Variants in FLYWCH1 observed in about 807,000 individuals in gnomAD.
FLYWCH1 encodes FLYWCH-type zinc finger-containing protein 1.
FLYWCH1 carries 75 observed loss-of-function variants against 66.4 expected under a neutral mutation model. That is an observed-to-expected ratio of 1.13 (90% CI 0.94 to 1.37). The LOEUF (loss-of-function observed/expected upper bound fraction) is 1.37. FLYWCH1 is among the 40% of genes most tolerant of loss of function. The pLI is 0.00. For synonymous variants in FLYWCH1, 595 were observed against 429.9 expected (o/e 1.38, Z -4.75); for missense variants, 1,334 against 1,001.8 (o/e 1.33, Z -4.48).
At chr16:2,914,630 G>T (rs1485106608) in intron 2 of FLYWCH1, among the ~76,000 whole-genome samples, 1 of 152,172 alleles carries the variant, frequency 6.6e-6, no homozygotes, top group Admixed American at 6.5e-5. Context: ...CAGGCATGGT[G>T]GTTCACGTCT....
At chr16:2,931,885 G>A (rs1485753945) in intron 4 of FLYWCH1, among the ~76,000 whole-genome samples, 1 of 152,070 alleles carries the variant, frequency 6.6e-6, no homozygotes, top group African/African-American at 2.4e-5. Context: ...AGGTCGAGGT[G>A]GGCGGATCAC....
intron 9 of FLYWCH1, 95 bp downstream of exon 9, chr16:2,940,187 T>A: frequency 1.4e-6 from 1 of 702,472 alleles, no homozygotes; most frequent in Non-Finnish European, 2.6e-6. Flanking sequence ...CTTTTGTGGG[T>A]CAACATTATG....
At chr16:2,917,220 C>G (rs1274571590) in intron 2 of FLYWCH1, among the ~76,000 whole-genome samples, 2 of 121,788 alleles carry the variant, frequency 1.6e-5, no homozygotes, top group African/African-American at 6.4e-5. Flanking sequence ...ACAAAGTAAG[C>G]TTGTTAATAA....
chr16:2,935,439 G>C (rs1272874375), intron 6 of FLYWCH1: 1 of 152,240 alleles, frequency 6.6e-6, no homozygotes, highest in Non-Finnish European at 1.5e-5. Flanking sequence ...TGGGGGCAGA[G>C]GCCGGGCCCA....
rs771460324 is a variant in FLYWCH1 at position 2,937,413 on chromosome 16, T to A, written c.1777+29T>A. ...CGTGTGGAGGGTGCTGGGCTGGGTC[T>A]GCCTGGTCTCCCAGGACCTGTGCCC... is the stretch of plus-strand genomic sequence containing the variant. On this transcript the variant is annotated intron_variant, in intron 7 of 9. Coordinates refer to ENST00000253928, the MANE Select transcript of FLYWCH1 (RefSeq NM_001308068.2). The A allele has an allele frequency of 3.3e-6, 5 of 1,505,104 alleles. No individual in the cohort carries two copies. In the African/African-American group the frequency reaches 5.7e-5, roughly 17 times the overall value. 93.2% of individuals were successfully genotyped at this position (1,505,104 alleles called of 1,614,324 possible).
At chr16:2,934,040 T>G in intron 6 of FLYWCH1, 61 bp downstream of exon 6, 13 of 1,447,420 alleles carry the variant, frequency 9.0e-6, no homozygotes, top group Non-Finnish European at 1.2e-5. Context: ...CACACTGCCT[T>G]TCCCTCTCCA....
intron 9 of FLYWCH1, chr16:2,940,312 A>AC (rs2071208388): frequency 2.0e-6 from 1 of 499,770 alleles, no homozygotes; most frequent in African/African-American, 2.0e-5. Flanking sequence ...CACCATAGGG[A>AC]CCCCTCCTTG....
At chr16:2,945,945 C>T (rs181275677) in intron 9 of FLYWCH1, among the ~76,000 whole-genome samples, 18 of 151,730 alleles carry the variant, frequency 1.2e-4, no homozygotes, top group Admixed American at 2.0e-4. Context: ...TGCAGTGAGC[C>T]GAGATTGCGA....
chr16:2,922,657 T>C (rs937172545), intron 2 of FLYWCH1: 11 of 441,764 alleles, frequency 2.5e-5, no homozygotes, highest in Non-Finnish European at 4.4e-5. Context: ...CCGGACTCGG[T>C]TTACATGATC....
chr16:2,925,870 G>T (rs2070549815), intron 2 of FLYWCH1, among the ~76,000 whole-genome samples: 1 of 152,314 alleles, frequency 6.6e-6, no homozygotes, highest in East Asian at 1.9e-4. Flanking sequence ...TTCGGGAGTG[G>T]AATGTGGGGC....
At position 2,948,899 on chromosome 16, in the gene FLYWCH1, T is replaced by C. The variant is rs112332221; in HGVS notation, c.*172T>C. 5.9e-4 allele frequency: 360 copies of C among 610,542 alleles called. 2 individuals carry two copies. Among genetic ancestry groups the C allele is most frequent in the African/African-American group, 5.7e-3 (309 of 54,206 alleles). The allele number at this position is 610,542 out of a possible 1,614,324, so 37.8% of individuals were successfully genotyped here. On this transcript the variant is annotated 3_prime_UTR_variant, in exon 10 of 10. Transcript: ENST00000253928. The stretch of plus-strand genomic sequence containing the variant: ...TCTCCCAGGAGGAATTCTTGGATGG[T>C]GTCCTCATGTCGGCGGAGAACAGTG...
intron 9 of FLYWCH1, among the ~76,000 whole-genome samples, chr16:2,941,976 G>C (rs141535354): frequency 8.7e-6 from 1 of 115,288 alleles, no homozygotes; most frequent in African/African-American, 3.3e-5. Context: ...CAGCCTGGGC[G>C]ACAGAGCAAG....
At chr16:2,936,894 C>T (rs1399660397) in intron 6 of FLYWCH1, 2 of 662,438 alleles carry the variant, frequency 3.0e-6, no homozygotes, top group East Asian at 2.8e-5. Flanking sequence ...CGCTTGGCCG[C>T]CACCTGCAGG....
intron 4 of FLYWCH1, among the ~76,000 whole-genome samples, 199 bp downstream of exon 4, chr16:2,931,079 C>T (rs553462788): frequency 4.4e-4 from 67 of 150,898 alleles, no homozygotes; most frequent in African/African-American, 1.5e-3. Flanking sequence ...CCAAGGCGGA[C>T]GGATCATGAG....
rs1189363462 is a variant in FLYWCH1 at position 2,933,279 on chromosome 16, GC to G, written c.948del (p.Ile317SerfsTer7). On this transcript the variant is annotated frameshift_variant, in exon 5 of 10. Transcript: ENST00000253928. LOFTEE classifies it high-confidence loss of function. ...DHALHGCRSR[A>X]ITQGQRVTVM... ...CGCGCTGCACGGCTGCCGGAGCCGG[GC>G]CATCACCCAGGGACAGCGGGTGACT... The G allele has an allele frequency of 1.2e-6, 2 of 1,612,736 alleles. No individual in the cohort carries two copies. Among genetic ancestry groups the G allele is most frequent in the South Asian group, 2.2e-5 (2 of 90,978 alleles).
rs770076629 is a variant in FLYWCH1 at position 2,938,423 on chromosome 16, C to G, written c.2017C>G (p.Arg673Gly). 6.5e-7 allele frequency: 1 copy of G among 1,533,672 alleles called. No homozygotes were observed. Among genetic ancestry groups the G allele is most frequent in the Admixed American group, 2.0e-5 (1 of 49,092 alleles). ...CCTGGAGGCCTTGAGGCAACGGGAG[C>G]GGCTCCCCACCACGGCCCAGCAGGA... ...AGLEALRQRE[R>G]LPTTAQQEDP... is the part of the protein sequence containing the mutation. Residue 673 changes from arginine (R) to glycine (G), a missense_variant, in exon 8 of 10, where the codon CGG becomes GGG. Transcript: ENST00000253928.
chr16:2,944,412 G>T (rs1248901503), intron 9 of FLYWCH1, among the ~76,000 whole-genome samples: 1 of 144,722 alleles, frequency 6.9e-6, no homozygotes, highest in African/African-American at 2.5e-5. Context: ...AAAAAAAAAA[G>T]ATCACATACA....
At position 2,930,599 on chromosome 16, in the gene FLYWCH1, A is replaced by C. The variant is rs1218439943; in HGVS notation, c.515A>C (p.His172Pro). ...CTGCGGGCCACAGTGATGCGGGGCC[A>C]CTGCCACGCGCCCGATGAGCAAGGC... ...RGLRATVMRG[H>P]CHAPDEQGLE... Residue 172 changes from histidine to proline, a missense_variant, in exon 4 of 10, where the codon CAC becomes CCC. Physicochemically the swap from His to Pro is moderately conservative, Grantham distance 77 (BLOSUM62 -2). Coordinates refer to ENST00000253928, the MANE Select transcript of FLYWCH1 (RefSeq NM_001308068.2). 1 of 1,552,932 alleles carries C rather than the reference A, an allele frequency of 6.4e-7. No homozygotes were observed. Among genetic ancestry groups the C allele is most frequent in the Non-Finnish European group, 8.7e-7 (1 of 1,149,456 alleles).
intron 2 of FLYWCH1, among the ~76,000 whole-genome samples, chr16:2,927,443 C>T (rs1218013170): frequency 3.9e-5 from 6 of 152,158 alleles, no homozygotes; most frequent in Non-Finnish European, 8.8e-5. Flanking sequence ...AATATGGACC[C>T]AACTCACCTT....
Sources: gnomAD v4.1 joint callset for allele counts (sites outside exome capture counted in the v4.1 genomes callset) on GRCh38, gnomAD v4.1.1 for gene constraint, MANE v1.5 for transcripts, NCBI Gene and HGNC (gene_info 2026-07-23, HGNC 2026-07-21) for gene names.